PCDHA6: variants seen among roughly 807,000 people sequenced by gnomAD.
The protein encoded by PCDHA6 is protocadherin alpha 6.
Under a neutral mutation model 60.3 loss-of-function variants are expected in PCDHA6, and 55 were observed. That is an observed-to-expected ratio of 0.91 (90% CI 0.73 to 1.14). The LOEUF is 1.14. Ranked by LOEUF, PCDHA6 falls within the 50% of genes most tolerant of loss-of-function variation. PCDHA6 has a pLI of 0.00. For missense variants in PCDHA6, 1,327 were observed against 1,256.5 expected, an observed-to-expected ratio of 1.06 and a Z score of -0.85; for synonymous variants, 652 against 557.9, an observed-to-expected ratio of 1.17 and a Z score of -2.38.
intron 1 of PCDHA6, among the ~76,000 whole-genome samples, chr5:140,935,239 A>G (rs1554210410): frequency 1.3e-5 from 2 of 152,172 alleles, no homozygotes. Flanking sequence ...TCTATTTTTT[A>G]AAAGATAAAA....
At chr5:140,881,259 C>A in intron 1 of PCDHA6, 1 of 524,594 alleles carries the variant, frequency 1.9e-6, no homozygotes, top group Non-Finnish European at 2.4e-6. Flanking sequence ...AGGTTTTACT[C>A]AGTGATGATG....
In PCDHA6 at chr5:140,900,436, G is replaced by C. The variant is rs553121120; in HGVS notation, c.2394+69951G>C. 8.5e-5 allele frequency among the ~76,000 whole-genome samples: 13 copies of C among 152,126 alleles called. No individual in the cohort carries two copies. The East Asian group carries it at 2.5e-3, about 30-fold the overall frequency. ...GGGATTATAGGCACGTGCCACCACG[G>C]CCGGCTAATTTTTTATTTTTAGTAG... On this transcript the variant is annotated intron_variant, in intron 1 of 3. Transcript: ENST00000529310.
Position 140,828,244 on chromosome 5 carries a change from C to T in PCDHA6, c.153C>T (p.Asp51=), listed in dbSNP as rs1769643037. Residue 51 remains aspartate (D), a synonymous_variant, in exon 1 of 4, where the codon GAC becomes GAT. Transcript: ENST00000529310. ...HGTFVGRIAQ[D]LGLELAELVP... ...CCTTCGTGGGCCGGATCGCGCAGGA[C>T]CTGGGGCTGGAGCTGGCGGAGCTGG... is the stretch of plus-strand genomic sequence containing the variant. The T allele has an allele frequency of 1.9e-6, 3 of 1,613,960 alleles. No homozygotes were observed. The highest frequency in any genetic ancestry group is 2.2e-5 in the East Asian group (1 of 44,892).
At chr5:140,976,888 A>C (rs1050816491) in intron 1 of PCDHA6, among the ~76,000 whole-genome samples, 1 of 152,218 alleles carries the variant, frequency 6.6e-6, no homozygotes, top group Non-Finnish European at 1.5e-5. Context: ...ATTAGGATAC[A>C]TGCAACAGTA....
chr5:140,934,172 G>A (rs781789188), intron 1 of PCDHA6, among the ~76,000 whole-genome samples: 47 of 152,018 alleles, frequency 3.1e-4, no homozygotes, highest in Non-Finnish European at 6.6e-4. Flanking sequence ...TGCAACAGAA[G>A]TACTCTAAAC....
chr5:140,951,141 T>G (rs2094552248), intron 1 of PCDHA6, among the ~76,000 whole-genome samples: 1 of 100,612 alleles, frequency 9.9e-6, no homozygotes, highest in Non-Finnish European at 2.0e-5. Context: ...TTCCTTTATC[T>G]TATTGAATAT....
At chr5:140,986,151 G>A (rs547474191) in intron 3 of PCDHA6, among the ~76,000 whole-genome samples, 1 of 152,198 alleles carries the variant, frequency 6.6e-6, no homozygotes, top group African/African-American at 2.4e-5. Flanking sequence ...GCATCACCAA[G>A]TAATGTTTTC....
At chr5:140,980,897 A>G (rs2096910436) in intron 2 of PCDHA6, among the ~76,000 whole-genome samples, 1 of 152,186 alleles carries the variant, frequency 6.6e-6, no homozygotes, top group African/African-American at 2.4e-5. Context: ...AGTCTTGGAC[A>G]TCATGTAACT....
chr5:141,008,985 A>C (rs566679512), intron 3 of PCDHA6, among the ~76,000 whole-genome samples: 1 of 152,240 alleles, frequency 6.6e-6, no homozygotes, highest in Non-Finnish European at 1.5e-5. Context: ...AGTTTAATCT[A>C]GACACTAAAA....
intron 1 of PCDHA6, among the ~76,000 whole-genome samples, chr5:140,837,365 T>C (rs1775021898): frequency 6.6e-6 from 1 of 152,028 alleles, no homozygotes; most frequent in African/African-American, 2.4e-5. Context: ...GGCAGTTTAA[T>C]AGTATTTTTT....
chr5:140,965,401 A>G (rs546046699), intron 1 of PCDHA6, among the ~76,000 whole-genome samples: 2 of 152,284 alleles, frequency 1.3e-5, no homozygotes, highest in African/African-American at 4.8e-5. Flanking sequence ...AAGTCTAAGG[A>G]GTCTTATATT....
At chr5:140,967,146 A>G (rs782158011) in intron 1 of PCDHA6, 2 of 1,610,972 alleles carry the variant, frequency 1.2e-6, no homozygotes, top group South Asian at 1.1e-5. Flanking sequence ...CTGGCGCACA[A>G]CCCCGTGGCG....
chr5:141,006,535 G>A (rs1473022946), intron 3 of PCDHA6, among the ~76,000 whole-genome samples: 1 of 152,118 alleles, frequency 6.6e-6, no homozygotes, highest in Non-Finnish European at 1.5e-5. Context: ...TTTTTAAAGA[G>A]AGACATTAAG....
intron 1 of PCDHA6, among the ~76,000 whole-genome samples, chr5:140,925,455 T>C (rs1367623051): frequency 6.6e-6 from 1 of 152,106 alleles, no homozygotes; most frequent in Non-Finnish European, 1.5e-5. Flanking sequence ...GGTGTATCTG[T>C]TGTGGCTCAG....
intron 1 of PCDHA6, among the ~76,000 whole-genome samples, chr5:140,956,772 GT>G (rs2095308990): frequency 6.6e-6 from 1 of 152,202 alleles, no homozygotes; most frequent in African/African-American, 2.4e-5. Context: ...AATCTGTCTG[GT>G]CCTGGGCTTT....
chr5:140,939,886 T>C (rs1165679302), intron 1 of PCDHA6, among the ~76,000 whole-genome samples: 1 of 152,242 alleles, frequency 6.6e-6, no homozygotes, highest in Non-Finnish European at 1.5e-5. Flanking sequence ...AGTTGTGTTG[T>C]TCAAATATTC....
chr5:140,898,995 T>C (rs1176186680), intron 1 of PCDHA6, among the ~76,000 whole-genome samples: 4 of 151,956 alleles, frequency 2.6e-5, no homozygotes, highest in Non-Finnish European at 5.9e-5. Flanking sequence ...TCTGTTTGTC[T>C]GTTATTGGTG....
At chr5:141,002,956 G>C (rs782632089) in intron 3 of PCDHA6, among the ~76,000 whole-genome samples, 6 of 152,230 alleles carry the variant, frequency 3.9e-5, no homozygotes, top group Non-Finnish European at 7.3e-5. Context: ...GCCCCTCTGA[G>C]AGCTTTCCTG....
At position 140,877,134 on chromosome 5, in the gene PCDHA6, C is replaced by A. The variant is rs1339173132; in HGVS notation, c.2394+46649C>A. 17 of 1,613,712 alleles carry A rather than the reference C, an allele frequency of 1.1e-5. No homozygotes were observed. Among genetic ancestry groups the A allele is most frequent in the Admixed American group, 6.7e-5 (4 of 60,000 alleles). ...GCAGCAACGTGACGCTGCAGGTGTTCGTGCTGGACGAGAACGACAACGCGC... is the reference window on the plus strand; with the variant it reads ...GCAGCAACGTGACGCTGCAGGTGTTAGTGCTGGACGAGAACGACAACGCGC... On this transcript the variant is annotated intron_variant, in intron 1 of 3. Transcript: ENST00000529310.
Sources: allele counts gnomAD v4.1 joint callset (sites outside exome capture counted in the v4.1 genomes callset), GRCh38; gene constraint gnomAD v4.1.1; transcripts MANE v1.5; gene names NCBI Gene and HGNC (gene_info 2026-07-23, HGNC 2026-07-21).